EEPD1: variants seen among roughly 807,000 people sequenced by gnomAD.
EEPD1 encodes the protein endonuclease/exonuclease/phosphatase family domain containing 1, also known as endonuclease/exonuclease/phosphatase family domain-containing protein 1.
A neutral mutation model predicts 46.3 loss-of-function variants in EEPD1; 17 were observed. The observed-to-expected ratio is 0.37, with a 90% confidence interval of 0.25 to 0.55. The LOEUF is 0.55. EEPD1 is among the 20% of genes least tolerant of loss of function. The pLI is 0.83. For synonymous variants in EEPD1, 313 were observed against 315.6 expected (o/e 0.99, Z 0.09); for missense variants, 673 against 745.6 (o/e 0.90, Z 1.13).
rs780656908 is a variant in EEPD1 at position 36,252,608 on chromosome 7, T to TC, written c.930+13572_930+13573insC. Among the ~76,000 whole-genome samples the TC allele has an allele frequency of 2.9e-5, 4 of 137,782 alleles. No individual in the cohort carries two copies. In the East Asian group the frequency reaches 7.9e-4, roughly 27 times the overall value. 90.4% of individuals were successfully genotyped at this position (137,782 alleles called of 152,430 possible). A position where few individuals can be genotyped will look rare whatever the true frequency, so the allele number is the denominator to read the frequency against. Reference sequence around the variant, plus strand: ...AGAATAACCTTCCCTCAAATAACAATATAAGCGCCAGGGAAAATGCACACG... The same window carrying TC: ...AGAATAACCTTCCCTCAAATAACAATCATAAGCGCCAGGGAAAATGCACACG... On this transcript the variant is annotated intron_variant, in intron 3 of 7. Transcript: ENST00000242108.
At chr7:36,287,316 A>G (rs1414417529) in intron 5 of EEPD1, among the ~76,000 whole-genome samples, 2 of 148,382 alleles carry the variant, frequency 1.3e-5, no homozygotes, top group Non-Finnish European at 3.0e-5. Flanking sequence ...CCTCCTTCTT[A>G]TATAGGACTG....
Position 36,166,504 on chromosome 7 carries a change from T to C in EEPD1, c.878+11302T>C, listed in dbSNP as rs540966261. Among the ~76,000 whole-genome samples the C allele has an allele frequency of 9.9e-5, 15 of 152,242 alleles. No individual in the cohort carries two copies. In the East Asian group the frequency reaches 1.5e-3, roughly 16 times the overall value. On this transcript the variant is annotated intron_variant, in intron 2 of 7. Coordinates refer to ENST00000242108, the MANE Select transcript of EEPD1 (RefSeq NM_030636.3). ...GGGAGGTCTAGGTGGAAGGATCACT[T>C]GAGCTTGGGAGTTTGAGACTAGCCC...
chr7:36,249,299 G>A (rs1440901843), intron 3 of EEPD1, among the ~76,000 whole-genome samples: 1 of 152,118 alleles, frequency 6.6e-6, no homozygotes, highest in Non-Finnish European at 1.5e-5. Flanking sequence ...CAGTGCCCCC[G>A]GCCACTGCTG....
chr7:36,237,361 T>A (rs2540682), intron 2 of EEPD1, among the ~76,000 whole-genome samples: 18,919 of 152,252 alleles, frequency 0.12, 1,592 homozygotes, highest in Non-Finnish European at 0.19. Flanking sequence ...GCTCCTGAAC[T>A]CCTGAGCTCA....
In EEPD1 at chr7:36,284,663, CTCTG is replaced by C; in HGVS notation, c.1042-19_1042-16del. 6.2e-7 allele frequency: 1 copy of C among 1,604,634 alleles called. No individual in the cohort carries two copies. On this transcript the variant is annotated intron_variant, in intron 4 of 7. Transcript: ENST00000242108. ...TGGCGCTAGGGCTCTGGCACCAAGA[CTCTG>C]TCTCCCTCTCCGCTGCAGGGAGCTG...
At chr7:36,180,200 G>C (rs1401154442) in intron 2 of EEPD1, among the ~76,000 whole-genome samples, 1 of 152,220 alleles carries the variant, frequency 6.6e-6, no homozygotes, top group Non-Finnish European at 1.5e-5. Flanking sequence ...CTGATACCGG[G>C]AGAAAGCGAT....
intron 2 of EEPD1, among the ~76,000 whole-genome samples, chr7:36,210,449 A>G (rs1371434436): frequency 2.0e-5 from 3 of 152,000 alleles, no homozygotes; most frequent in African/African-American, 7.2e-5. Flanking sequence ...TAGCGAGAGG[A>G]TTTTTTTTCA....
At chr7:36,176,282 T>G (rs1785178393) in intron 2 of EEPD1, among the ~76,000 whole-genome samples, 1 of 152,172 alleles carries the variant, frequency 6.6e-6, no homozygotes. Flanking sequence ...TCAGTGCGTT[T>G]GGAAGACAGC....
At chr7:36,266,427 CT>C (rs1187940463) in intron 3 of EEPD1, among the ~76,000 whole-genome samples, 2 of 151,894 alleles carry the variant, frequency 1.3e-5, no homozygotes, top group African/African-American at 4.8e-5. Context: ...TGTTTCTCCC[CT>C]GACCAAGAGC....
chr7:36,297,354 CCT>C (rs1426161817), intron 7 of EEPD1, among the ~76,000 whole-genome samples, 167 bp downstream of exon 7: 1 of 152,208 alleles, frequency 6.6e-6, no homozygotes, highest in Non-Finnish European at 1.5e-5. Context: ...AATCCAGGCC[CCT>C]GTCAGTCCCG....
chr7:36,194,252 T>TCAGATC (rs1384665410), intron 2 of EEPD1, among the ~76,000 whole-genome samples: 6 of 152,298 alleles, frequency 3.9e-5, no homozygotes, highest in Non-Finnish European at 8.8e-5. Context: ...AGCTTTAGCT[T>TCAGATC]CAGATCCAGG....
chr7:36,182,788 G>A (rs992184773), intron 2 of EEPD1, among the ~76,000 whole-genome samples: 1 of 152,222 alleles, frequency 6.6e-6, no homozygotes, highest in African/African-American at 2.4e-5. Flanking sequence ...GATGGACACG[G>A]GACCAATTCA....
chr7:36,243,303 G>A (rs1315510011), intron 3 of EEPD1, among the ~76,000 whole-genome samples: 1 of 75,454 alleles, frequency 1.3e-5, no homozygotes, highest in Non-Finnish European at 3.0e-5. Context: ...GGCCAATTAA[G>A]CCTGGTTTTT....
Position 36,300,744 on chromosome 7 carries a change from A to G in EEPD1, c.*1538A>G, listed in dbSNP as rs196620. Reference sequence around the variant, plus strand: ...CCTTTTGGGGCCACCTGGCTCCAAGAAGCATCGCTGGTCTTGGGGACGGGA... The same window carrying G: ...CCTTTTGGGGCCACCTGGCTCCAAGGAGCATCGCTGGTCTTGGGGACGGGA... On this transcript the variant is annotated 3_prime_UTR_variant, in exon 8 of 8. Transcript: ENST00000242108. 126,003 of 152,204 alleles carry G rather than the reference A, an allele frequency of 0.83. 52,981 individuals carry two copies. Among genetic ancestry groups the G allele is most frequent in the East Asian group, 0.96 (4,966 of 5,154 alleles). 9.4% of individuals were successfully genotyped at this position (152,204 alleles called of 1,614,324 possible). A position where few individuals can be genotyped will look rare whatever the true frequency, so the allele number is the denominator to read the frequency against.
intron 3 of EEPD1, among the ~76,000 whole-genome samples, chr7:36,241,277 C>T (rs531043508): frequency 6.6e-6 from 1 of 152,184 alleles, no homozygotes; most frequent in South Asian, 2.1e-4. Context: ...AGTTCAAGAC[C>T]AGCCTGGCCA....
At chr7:36,166,426 G>T (rs1192750892) in intron 2 of EEPD1, among the ~76,000 whole-genome samples, 1 of 152,142 alleles carries the variant, frequency 6.6e-6, no homozygotes. Context: ...CCACTTAATT[G>T]TGAAAATCAG....
intron 3 of EEPD1, among the ~76,000 whole-genome samples, chr7:36,280,904 C>T (rs1787250394): frequency 6.6e-6 from 1 of 152,186 alleles, no homozygotes; most frequent in Non-Finnish European, 1.5e-5. Context: ...TGGTGTTTCA[C>T]ACACAGGCAG....
At position 36,155,110 on chromosome 7, in the gene EEPD1, G is replaced by A. The variant is rs2115585295; in HGVS notation, c.786G>A (p.Arg262=). Residue 262 remains arginine, a synonymous_variant, in exon 2 of 8, where the codon AGG becomes AGA. Coordinates refer to ENST00000242108, the MANE Select transcript of EEPD1 (RefSeq NM_030636.3). ...CAAGGGATGGGAGGCCTGTGCTGAGGCTGGCCACCTGGAACTTGCAGGGCT... is the reference window on the plus strand; with the variant it reads ...CAAGGGATGGGAGGCCTGTGCTGAGACTGGCCACCTGGAACTTGCAGGGCT... ...GGTRDGRPVL[R]LATWNLQGCS... is the part of the protein sequence containing the mutation. The A allele has an allele frequency of 6.4e-6, 10 of 1,564,896 alleles. No homozygotes were observed. The highest frequency in any genetic ancestry group is 2.2e-5 in the East Asian group (1 of 44,470).
chr7:36,278,297 GGGGTTT>G (rs1335962865), intron 3 of EEPD1, among the ~76,000 whole-genome samples: 1 of 152,174 alleles, frequency 6.6e-6, no homozygotes, highest in Non-Finnish European at 1.5e-5. Flanking sequence ...AAGCCAGGGT[GGGGTTT>G]GGGTATGAAT....
Sources: allele counts gnomAD v4.1 joint callset (sites outside exome capture counted in the v4.1 genomes callset), GRCh38; gene constraint gnomAD v4.1.1; transcripts MANE v1.5; gene names NCBI Gene and HGNC (gene_info 2026-07-23, HGNC 2026-07-21).